Variants in LNX1 observed in about 807,000 individuals in gnomAD.
The protein encoded by LNX1 is ligand of numb-protein X 1.
A neutral mutation model predicts 68.4 loss-of-function variants in LNX1; 54 were observed. The observed-to-expected ratio is 0.79, with a 90% confidence interval of 0.63 to 0.99. The LOEUF (loss-of-function observed/expected upper bound fraction) is 0.99, where lower values mean the gene tolerates loss of function less well. Ranked by LOEUF, LNX1 falls within the 50% of genes least tolerant of loss-of-function variation. LNX1 has a pLI of 0.00. For missense variants in LNX1, 906 were observed against 926.4 expected (o/e 0.98, Z 0.29); for synonymous variants, 336 against 350.0 (o/e 0.96, Z 0.45).
intron 2 of LNX1, among the ~76,000 whole-genome samples, chr4:53,510,102 G>A (rs2412484): frequency 0.96 from 146,084 of 152,212 alleles, 70,391 homozygotes; most frequent in East Asian, 1. Context: ...TGCACCCAAG[G>A]GAATTAAAAG....
At chr4:53,634,433 G>A (rs370766966) in intron 1 of LNX1, among the ~76,000 whole-genome samples, 15 of 152,058 alleles carry the variant, frequency 9.9e-5, no homozygotes, top group East Asian at 3.9e-4. Context: ...TAGTAGAGAC[G>A]GGGTTTCACC....
chr4:53,546,802 C>T (rs188070408), intron 2 of LNX1, among the ~76,000 whole-genome samples: 2 of 152,238 alleles, frequency 1.3e-5, no homozygotes, highest in Admixed American at 1.3e-4. Flanking sequence ...AGCTAAATAG[C>T]TGAGGAATGA....
chr4:53,509,433 T>G (rs1166646806), intron 2 of LNX1, among the ~76,000 whole-genome samples: 4 of 152,214 alleles, frequency 2.6e-5, no homozygotes, highest in African/African-American at 9.6e-5. Flanking sequence ...TGATTTTTAC[T>G]GCCCATAGAA....
intron 2 of LNX1, among the ~76,000 whole-genome samples, chr4:53,540,688 A>G (rs2109657519): frequency 6.6e-6 from 1 of 152,158 alleles, no homozygotes; most frequent in South Asian, 2.1e-4. Context: ...CTCAAAAAAC[A>G]AAAAACAAAA....
upstream of LNX1, among the ~76,000 whole-genome samples, chr4:53,592,793 C>A (rs758572768): frequency 2.6e-5 from 4 of 152,044 alleles, no homozygotes; most frequent in Non-Finnish European, 5.9e-5. Context: ...AAAAGGAAGT[C>A]CGGATTCCCA....
In LNX1 at chr4:53,649,146, G is replaced by A. The variant is rs7665900; in HGVS notation, c.-215+3022C>T. ...ACAACTTCAGAGTTTCTTTTACAATGCCAAAATCTATTTGTTTAAATTTCT... is the reference window on the plus strand; with the variant it reads ...ACAACTTCAGAGTTTCTTTTACAATACCAAAATCTATTTGTTTAAATTTCT... On this transcript the variant is annotated intron_variant, in intron 1 of 2. Coordinates refer to the LNX1 transcript ENST00000507168. Among the ~76,000 whole-genome samples, 536 of 152,238 alleles carry A rather than the reference G, an allele frequency of 3.5e-3. 2 individuals carry two copies. The highest frequency in any genetic ancestry group is 0.013 in the African/African-American group (522 of 41,532).
At chr4:53,578,219 A>T (rs908222923) in intron 1 of LNX1, among the ~76,000 whole-genome samples, 1 of 152,160 alleles carries the variant, frequency 6.6e-6, no homozygotes, top group Non-Finnish European at 1.5e-5. Flanking sequence ...AAAGCTTTAA[A>T]TCTCTTCAGG....
chr4:53,506,062 T>C (rs1263677732), intron 4 of LNX1, among the ~76,000 whole-genome samples: 1 of 152,186 alleles, frequency 6.6e-6, no homozygotes, highest in East Asian at 1.9e-4. Context: ...GAGGGCATAA[T>C]ACATACAGTG....
intron 2 of LNX1, among the ~76,000 whole-genome samples, chr4:53,556,464 C>T (rs115039213): frequency 0.028 from 4,196 of 152,152 alleles, 181 homozygotes; most frequent in African/African-American, 0.093. Flanking sequence ...AACATAGCAA[C>T]GAAGAAGGAT....
At chr4:53,554,477 T>C (rs922077378) in intron 2 of LNX1, among the ~76,000 whole-genome samples, 8 of 152,264 alleles carry the variant, frequency 5.3e-5, no homozygotes, top group African/African-American at 9.6e-5. Flanking sequence ...ATTTGAATGC[T>C]TTCAGGCATT....
At chr4:53,601,975 G>A (rs1181205778) in intron 2 of LNX1, among the ~76,000 whole-genome samples, 5 of 151,986 alleles carry the variant, frequency 3.3e-5, no homozygotes, top group Non-Finnish European at 5.9e-5. Context: ...CCCTGCTCAC[G>A]TGACTGACTT....
chr4:53,568,477 G>A (rs1296910766), intron 2 of LNX1, among the ~76,000 whole-genome samples: 3 of 151,878 alleles, frequency 2.0e-5, no homozygotes, highest in Non-Finnish European at 4.4e-5. Flanking sequence ...CAATAAATTA[G>A]GTATTGATGG....
rs376108788 is a variant in LNX1, at chr4:53,576,324, G to A, written c.-86-2236C>T. 6 of 1,611,924 alleles carry A rather than the reference G, an allele frequency of 3.7e-6. No homozygotes were observed. The African/African-American group carries it at 8.0e-5, about 22-fold the overall frequency. On this transcript the variant is annotated intron_variant, in intron 1 of 10. Transcript: ENST00000263925. ...AGTTCCAGGAGCTGCGGTACAGCGT[G>A]GCCCTGGTCCTAAAGGAGATGGCAG...
At chr4:53,481,975 GT>G in intron 6 of LNX1, 121 bp from the exon 7 acceptor site, 3 of 1,257,752 alleles carry the variant, frequency 2.4e-6, no homozygotes, top group Non-Finnish European at 3.2e-6. Context: ...ATGATTTCTA[GT>G]TTGTTGGGTT....
intron 1 of LNX1, chr4:53,576,524 T>G: frequency 9.3e-7 from 1 of 1,076,160 alleles, no homozygotes; most frequent in Non-Finnish European, 1.2e-6. Context: ...TTTGTAGATC[T>G]TGTATTTTAG....
intron 1 of LNX1, among the ~76,000 whole-genome samples, chr4:53,636,077 C>A (rs1283800406): frequency 6.7e-6 from 1 of 149,340 alleles, no homozygotes; most frequent in Non-Finnish European, 1.5e-5. Context: ...AGATGCTGAA[C>A]TTTATTGGTC....
rs116244605 is a variant in LNX1, at chr4:53,466,494, G to A, written c.1893-4901C>T. 8.8e-3 allele frequency among the ~76,000 whole-genome samples: 1,341 copies of A among 152,330 alleles called. 21 individuals are homozygous for A. The highest frequency in any genetic ancestry group is 0.03 in the African/African-American group (1,264 of 41,578). ...CACTAGGGAGTGCCAGACGGTGCAG[G>A]ACAGTGGGTGCAGCACACCGAGCAC... is the stretch of plus-strand genomic sequence containing the variant. On this transcript the variant is annotated intron_variant, in intron 9 of 10. Coordinates refer to ENST00000263925, the MANE Select transcript of LNX1 (RefSeq NM_001126328.3).
Position 53,461,027 on chromosome 4 carries a change from A to C in LNX1, c.2067T>G (p.Leu689=). Residue 689 remains leucine (L), a synonymous_variant, in exon 11 of 11, where the codon CTT becomes CTG. Transcript: ENST00000263925. ...NDGRIRCGDI[L]LAVNGRSTSG... is the part of the protein sequence containing the mutation. ...ATGTACTTCTACCATTGACAGCAAG[A>C]AGAATATCACCACATCTAAAAAAAA... 6.3e-7 allele frequency: 1 copy of C among 1,581,812 alleles called. No individual in the cohort carries two copies. The highest frequency in any genetic ancestry group is 8.5e-7 in the Non-Finnish European group (1 of 1,169,720).
intron 1 of LNX1, among the ~76,000 whole-genome samples, chr4:53,651,433 G>C (rs1735093355): frequency 6.6e-6 from 1 of 152,216 alleles, no homozygotes; most frequent in Non-Finnish European, 1.5e-5. Context: ...AGGAATGGAA[G>C]TAAACAGGAA....
Sources: gnomAD v4.1 joint callset for allele counts (sites outside exome capture counted in the v4.1 genomes callset) on GRCh38, gnomAD v4.1.1 for gene constraint, MANE v1.5 for transcripts, NCBI Gene and HGNC (gene_info 2026-07-23, HGNC 2026-07-21) for gene names.